Variants in NDUFAF2 observed in about 807,000 individuals in gnomAD.
NDUFAF2 encodes NADH dehydrogenase [ubiquinone] 1 alpha subcomplex assembly factor 2.
Under a neutral mutation model 22.8 loss-of-function variants are expected in NDUFAF2, and 13 were observed. The ratio of observed to expected loss-of-function variants is 0.57; its 90% CI spans 0.37 to 0.91. The LOEUF (loss-of-function observed/expected upper bound fraction) is 0.91. Among genes scored for constraint, NDUFAF2 ranks in the 40% least tolerant of loss-of-function variants. The pLI is 0.01. For synonymous variants in NDUFAF2, 53 were observed against 64.2 expected, an observed-to-expected ratio of 0.83 and a Z score of 0.84; for missense variants, 162 against 195.2, an observed-to-expected ratio of 0.83 and a Z score of 1.01.
chr5:61,058,431 C>T (rs1031262942), intron 1 of NDUFAF2, among the ~76,000 whole-genome samples: 2 of 151,798 alleles, frequency 1.3e-5, no homozygotes, highest in African/African-American at 2.4e-5. Flanking sequence ...ATTTTTATAT[C>T]AAGGGTGTAC....
intron 3 of NDUFAF2, among the ~76,000 whole-genome samples, chr5:61,126,954 ATCACCACCG>A (rs1344093919): frequency 3.3e-5 from 5 of 152,166 alleles, no homozygotes; most frequent in African/African-American, 1.2e-4. Flanking sequence ...TAAAGGGGAT[ATCACCACCG>A]ATCCCACAGA....
At chr5:61,057,277 A>G (rs1211580325) in intron 1 of NDUFAF2, among the ~76,000 whole-genome samples, 1 of 152,158 alleles carries the variant, frequency 6.6e-6, no homozygotes, top group Non-Finnish European at 1.5e-5. Flanking sequence ...CTAGCTTTAA[A>G]TCATAGATTC....
chr5:61,000,873 G>C (rs1751286901), intron 1 of NDUFAF2, among the ~76,000 whole-genome samples: 1 of 152,134 alleles, frequency 6.6e-6, no homozygotes, highest in South Asian at 2.1e-4. Context: ...GAATAACATT[G>C]AGAGATACTA....
intron 2 of NDUFAF2, among the ~76,000 whole-genome samples, chr5:61,096,966 A>G (rs1394989705): frequency 1.3e-5 from 2 of 152,232 alleles, no homozygotes; most frequent in Non-Finnish European, 2.9e-5. Context: ...TGTCTCAAAA[A>G]AAAAGAAAGA....
At chr5:61,072,619 T>A (rs1445113772) in intron 1 of NDUFAF2, among the ~76,000 whole-genome samples, 2 of 152,172 alleles carry the variant, frequency 1.3e-5, no homozygotes, top group Non-Finnish European at 2.9e-5. Context: ...TTTTTTGAGA[T>A]GGAGTCTCAC....
intron 1 of NDUFAF2, among the ~76,000 whole-genome samples, chr5:61,019,453 A>G (rs894239541): frequency 1.2e-4 from 18 of 151,998 alleles, no homozygotes; most frequent in Non-Finnish European, 7.4e-5. Context: ...GAGGGTTGAT[A>G]CTAAACTACA....
chr5:61,087,836 A>T (rs1325517354), intron 2 of NDUFAF2, among the ~76,000 whole-genome samples: 1 of 152,142 alleles, frequency 6.6e-6, no homozygotes, highest in Non-Finnish European at 1.5e-5. Context: ...AAAATAATGA[A>T]CTGCTGATAT....
chr5:61,085,220 T>C (rs1192735895), intron 2 of NDUFAF2, among the ~76,000 whole-genome samples: 2 of 152,178 alleles, frequency 1.3e-5, no homozygotes, highest in Admixed American at 1.3e-4. Context: ...GTGGAGTTTA[T>C]CCCAGTAATA....
chr5:60,981,355 A>G (rs920665013), intron 1 of NDUFAF2, among the ~76,000 whole-genome samples: 1 of 152,212 alleles, frequency 6.6e-6, no homozygotes, highest in Non-Finnish European at 1.5e-5. Context: ...CTTCAAACAT[A>G]AAGGAGAAAT....
chr5:60,977,246 A>C (rs568773991), intron 1 of NDUFAF2, among the ~76,000 whole-genome samples: 6 of 151,882 alleles, frequency 4.0e-5, no homozygotes, highest in African/African-American at 9.7e-5. Flanking sequence ...TGGAAAACAG[A>C]GTGAGACCCC....
chr5:60,961,855 G>A (rs1008324264), intron 1 of NDUFAF2, among the ~76,000 whole-genome samples: 2 of 151,496 alleles, frequency 1.3e-5, no homozygotes, highest in Non-Finnish European at 2.9e-5. Flanking sequence ...GTCCTACTTA[G>A]GAAGCTTTGG....
At chr5:61,077,013 A>C (rs1298942416) in intron 2 of NDUFAF2, among the ~76,000 whole-genome samples, 1 of 152,198 alleles carries the variant, frequency 6.6e-6, no homozygotes, top group Non-Finnish European at 1.5e-5. Flanking sequence ...CAGTTAAAGG[A>C]GTGCAGTGAA....
chr5:60,955,260 C>T (rs1324564993), intron 1 of NDUFAF2, among the ~76,000 whole-genome samples: 7 of 152,122 alleles, frequency 4.6e-5, no homozygotes, highest in Non-Finnish European at 7.4e-5. Context: ...GTGAGATAAG[C>T]GTCCAATTTC....
chr5:60,981,093 C>T (rs1750971416), intron 1 of NDUFAF2, among the ~76,000 whole-genome samples: 1 of 152,008 alleles, frequency 6.6e-6, no homozygotes, highest in Non-Finnish European at 1.5e-5. Context: ...GGTTATACAA[C>T]AACTAAGCAG....
At chr5:61,149,799 T>A (rs1448544598) in intron 3 of NDUFAF2, among the ~76,000 whole-genome samples, 2 of 152,240 alleles carry the variant, frequency 1.3e-5, no homozygotes, top group Admixed American at 6.5e-5. Context: ...AAATACTTGC[T>A]TTTTGGTAGT....
chr5:60,984,690 T>G (rs1751043847), intron 1 of NDUFAF2, among the ~76,000 whole-genome samples: 1 of 152,216 alleles, frequency 6.6e-6, no homozygotes, highest in Non-Finnish European at 1.5e-5. Context: ...ATATGCTGGA[T>G]TACGTGTATT....
chr5:60,976,230 A>T (rs926448680), intron 1 of NDUFAF2, among the ~76,000 whole-genome samples: 1 of 152,152 alleles, frequency 6.6e-6, no homozygotes, highest in Non-Finnish European at 1.5e-5. Flanking sequence ...AAAAAAATTT[A>T]ATGGGAATTT....
intron 1 of NDUFAF2, among the ~76,000 whole-genome samples, chr5:61,057,375 G>A (rs1752112944): frequency 6.6e-6 from 1 of 152,222 alleles, no homozygotes; most frequent in African/African-American, 2.4e-5. Context: ...TCAGTAGTTT[G>A]TGAAAGATTG....
chr5:61,046,865 C>G (rs1274978219), intron 1 of NDUFAF2, among the ~76,000 whole-genome samples: 3 of 152,130 alleles, frequency 2.0e-5, no homozygotes, highest in African/African-American at 7.2e-5. Flanking sequence ...GAGGGACTCC[C>G]CATGCTTGGA....
Sources: allele counts gnomAD v4.1 joint callset (sites outside exome capture counted in the v4.1 genomes callset), GRCh38; gene constraint gnomAD v4.1.1; transcripts MANE v1.5; gene names NCBI Gene and HGNC (gene_info 2026-07-23, HGNC 2026-07-21).